ASAP1: variants seen among roughly 807,000 people sequenced by gnomAD.
ASAP1 encodes the protein ArfGAP with SH3 domain, ankyrin repeat and PH domain 1.
Under a neutral mutation model 145.2 loss-of-function variants are expected in ASAP1, and 43 were observed. The ratio of observed to expected loss-of-function variants is 0.30; its 90% CI spans 0.23 to 0.38. The LOEUF (loss-of-function observed/expected upper bound fraction) is 0.38, where lower values mean the gene tolerates loss of function less well. ASAP1 is among the 10% of genes least tolerant of loss of function. The probability of loss-of-function intolerance (pLI) is 1.00; values close to 1 mark genes in which losing one functional copy is unlikely to be tolerated. For missense variants in ASAP1, 1,018 were observed against 1,355.3 expected (o/e 0.75, Z 3.91); for synonymous variants, 546 against 515.5 (o/e 1.06, Z -0.80).
At chr8:130,387,145 C>T (rs1027464238) in intron 2 of ASAP1, among the ~76,000 whole-genome samples, 2 of 152,100 alleles carry the variant, frequency 1.3e-5, no homozygotes, top group Non-Finnish European at 2.9e-5. Flanking sequence ...ATTGGGTATC[C>T]AAGGCTGCTG....
At chr8:130,239,586 C>T (rs886731498) in intron 3 of ASAP1, among the ~76,000 whole-genome samples, 3 of 151,958 alleles carry the variant, frequency 2.0e-5, no homozygotes, top group Non-Finnish European at 4.4e-5. Flanking sequence ...CGACTATATA[C>T]CAGTTTTGAG....
chr8:130,277,911 A>G (rs888575149), intron 3 of ASAP1, among the ~76,000 whole-genome samples: 3 of 152,228 alleles, frequency 2.0e-5, no homozygotes, highest in Non-Finnish European at 2.9e-5. Context: ...AGAGAGTGGC[A>G]GGGAGCCTCT....
intron 13 of ASAP1, among the ~76,000 whole-genome samples, chr8:130,145,892 G>A (rs1373638441): frequency 6.6e-6 from 1 of 150,420 alleles, no homozygotes; most frequent in Non-Finnish European, 1.5e-5. Flanking sequence ...CCCAGGGTGG[G>A]GTACGGTGGT....
At chr8:130,374,895 G>A (rs1428771763) in intron 2 of ASAP1, among the ~76,000 whole-genome samples, 1 of 152,154 alleles carries the variant, frequency 6.6e-6, no homozygotes, top group Non-Finnish European at 1.5e-5. Flanking sequence ...CCAAACACAA[G>A]ACATCCAAGA....
At chr8:130,068,731 C>T (rs571950207) in intron 27 of ASAP1, among the ~76,000 whole-genome samples, 1 of 152,152 alleles carries the variant, frequency 6.6e-6, no homozygotes, top group Non-Finnish European at 1.5e-5. Flanking sequence ...GGGGACTGTC[C>T]AACTCTACCT....
At chr8:130,099,722 G>T in intron 24 of ASAP1, among the ~76,000 whole-genome samples, 1 of 127,726 alleles carries the variant, frequency 7.8e-6, no homozygotes. Flanking sequence ...TTGCTGTGTC[G>T]TCCAGGCTGG....
intron 5 of ASAP1, among the ~76,000 whole-genome samples, chr8:130,203,899 A>G (rs1389690795): frequency 6.6e-6 from 1 of 152,200 alleles, no homozygotes; most frequent in Non-Finnish European, 1.5e-5. Flanking sequence ...ATCATTGTCT[A>G]TGTTTTAATT....
chr8:130,234,118 G>A (rs1413680159), intron 4 of ASAP1, among the ~76,000 whole-genome samples: 1 of 152,110 alleles, frequency 6.6e-6, no homozygotes, highest in Non-Finnish European at 1.5e-5. Flanking sequence ...CAAGAGAGAT[G>A]GTTAGTAATT....
chr8:130,198,189 A>T (rs151048587), intron 5 of ASAP1, among the ~76,000 whole-genome samples: 7 of 148,848 alleles, frequency 4.7e-5, no homozygotes, highest in African/African-American at 1.7e-4. Context: ...GCTGGAGTGC[A>T]GCCTTGCTCA....
intron 8 of ASAP1, among the ~76,000 whole-genome samples, chr8:130,180,062 A>AGAAGGG (rs568329502): frequency 2.8e-3 from 396 of 139,724 alleles, no homozygotes; most frequent in African/African-American, 9.2e-3. Flanking sequence ...GGGAGGGAGG[A>AGAAGGG]GAAGGGGAAG....
At chr8:130,072,832 G>GTGTGTGTGTGTGTGTGTGTGTGTGT (rs61663506) in intron 27 of ASAP1, among the ~76,000 whole-genome samples, 2 of 11,756 alleles carry the variant, frequency 1.7e-4, no homozygotes, top group African/African-American at 4.0e-4. Flanking sequence ...TGTGCGCGCG[G>GTGTGTGTGTGTGTGTGTGTGTGTGT]GGGGGGGCAG....
chr8:130,165,162 C>T (rs1411173628), intron 11 of ASAP1, among the ~76,000 whole-genome samples: 1 of 152,182 alleles, frequency 6.6e-6, no homozygotes, highest in Non-Finnish European at 1.5e-5. Flanking sequence ...GGCTTATATG[C>T]AACTTTGTTC....
intron 3 of ASAP1, among the ~76,000 whole-genome samples, chr8:130,296,460 T>C (rs1822280261): frequency 6.6e-6 from 1 of 151,230 alleles, no homozygotes; most frequent in South Asian, 2.1e-4. Flanking sequence ...GAGGGATTGG[T>C]AAGCAGGGGT....
chr8:130,405,888 A>T (rs1043778404), intron 1 of ASAP1, among the ~76,000 whole-genome samples: 1 of 152,246 alleles, frequency 6.6e-6, no homozygotes, highest in Non-Finnish European at 1.5e-5. Context: ...AAAAATATTA[A>T]GGCATAAAAT....
chr8:130,279,000 G>A (rs867457909), intron 3 of ASAP1, among the ~76,000 whole-genome samples: 1 of 152,188 alleles, frequency 6.6e-6, no homozygotes, highest in Admixed American at 6.5e-5. Context: ...TCACAGATGA[G>A]GAAGCTGAAG....
intron 1 of ASAP1, among the ~76,000 whole-genome samples, chr8:130,429,902 C>G (rs1453480505): frequency 1.3e-5 from 2 of 152,246 alleles, no homozygotes; most frequent in Non-Finnish European, 2.9e-5. Context: ...TCTATAATAG[C>G]TGCCTGGAGG....
intron 27 of ASAP1, among the ~76,000 whole-genome samples, chr8:130,064,114 T>C (rs1300468696): frequency 6.6e-6 from 1 of 152,110 alleles, no homozygotes; most frequent in Non-Finnish European, 1.5e-5. Context: ...CACCAGATGG[T>C]TCAGGACAGA....
At chr8:130,383,675 T>C (rs1230367224) in intron 2 of ASAP1, among the ~76,000 whole-genome samples, 4 of 152,154 alleles carry the variant, frequency 2.6e-5, no homozygotes, top group Admixed American at 2.6e-4. Flanking sequence ...GGGATAATAA[T>C]GTTTATTATG....
chr8:130,293,483 C>T (rs1335126919), intron 3 of ASAP1, among the ~76,000 whole-genome samples: 2 of 152,202 alleles, frequency 1.3e-5, no homozygotes, highest in South Asian at 2.1e-4. Flanking sequence ...ATTAAATCAG[C>T]CTTCAGTCAC....
Sources: gnomAD v4.1 joint callset for allele counts (sites outside exome capture counted in the v4.1 genomes callset) on GRCh38, gnomAD v4.1.1 for gene constraint, MANE v1.5 for transcripts, NCBI Gene and HGNC (gene_info 2026-07-23, HGNC 2026-07-21) for gene names.